The following EEFSEC variants were observed in gnomAD, a reference collection of about 807,000 sequenced individuals.
EEFSEC encodes the protein selenocysteine-specific elongation factor.
Under a neutral mutation model 42.1 loss-of-function variants are expected in EEFSEC, and 43 were observed. The ratio of observed to expected loss-of-function variants is 1.02; its 90% confidence interval spans 0.80 to 1.32. The LOEUF is 1.32. Among genes scored for constraint, EEFSEC ranks in the 40% most tolerant of loss-of-function variants. EEFSEC has a pLI of 0.00. For missense variants in EEFSEC, 745 were observed against 803.6 expected (o/e 0.93, Z 0.88); for synonymous variants, 354 against 339.1 (o/e 1.04, Z -0.48).
intron 1 of EEFSEC, among the ~76,000 whole-genome samples, chr3:128,200,530 C>T (rs553344833): frequency 2.6e-5 from 4 of 152,226 alleles, no homozygotes; most frequent in African/African-American, 7.2e-5. Context: ...TCAGGTGATC[C>T]GCCCACCTCG....
chr3:128,221,481 G>T (rs1325793301), intron 1 of EEFSEC, among the ~76,000 whole-genome samples: 1 of 152,208 alleles, frequency 6.6e-6, no homozygotes, highest in African/African-American at 2.4e-5. Flanking sequence ...TCCTGAGATT[G>T]CATGGATTCA....
intron 2 of EEFSEC, 89 bp downstream of exon 2, chr3:128,247,132 A>C: frequency 7.3e-7 from 1 of 1,376,322 alleles, no homozygotes; most frequent in Non-Finnish European, 1.0e-6. Flanking sequence ...TTGGACAGGC[A>C]GGTGTCAGCC....
intron 4 of EEFSEC, among the ~76,000 whole-genome samples, chr3:128,304,486 G>A (rs1421807073): frequency 2.0e-5 from 3 of 151,828 alleles, no homozygotes; most frequent in South Asian, 2.1e-4. Flanking sequence ...CCTGTAACCC[G>A]CCACCTTCCC....
chr3:128,156,596 A>G (rs1207624511), intron 1 of EEFSEC, among the ~76,000 whole-genome samples: 1 of 152,232 alleles, frequency 6.6e-6, no homozygotes, highest in Non-Finnish European at 1.5e-5. Flanking sequence ...AATATTTCAA[A>G]CTTTTCATCA....
intron 6 of EEFSEC, among the ~76,000 whole-genome samples, chr3:128,378,493 A>G (rs1303724365): frequency 2.6e-5 from 4 of 152,222 alleles, no homozygotes; most frequent in Non-Finnish European, 5.9e-5. Flanking sequence ...GGCCTAGCAC[A>G]CTGACCAAGG....
chr3:128,175,671 A>G (rs2065341056), intron 1 of EEFSEC, among the ~76,000 whole-genome samples: 1 of 152,250 alleles, frequency 6.6e-6, no homozygotes, highest in South Asian at 2.1e-4. Context: ...TGGAAAGCCC[A>G]AATGAAAACG....
At position 128,167,028 on chromosome 3, in the gene EEFSEC, C is replaced by T. The variant is rs527571187; in HGVS notation, c.316+13205C>T. Among the ~76,000 whole-genome samples, 9 of 152,292 alleles carry T rather than the reference C, an allele frequency of 5.9e-5. No homozygotes were observed. In the South Asian group the frequency reaches 1.9e-3, roughly 32 times the overall value. On this transcript the variant is annotated intron_variant, in intron 1 of 6. Transcript: ENST00000254730. ...GTCTTAGCTGGCTGACGAGGCCCCT[C>T]CTGAGGGGTTGAGATCTCAGGACTC...
At chr3:128,208,044 T>C (rs2065716973) in intron 1 of EEFSEC, among the ~76,000 whole-genome samples, 1 of 152,178 alleles carries the variant, frequency 6.6e-6, no homozygotes, top group African/African-American at 2.4e-5. Flanking sequence ...TTGTCCCCAC[T>C]GTTGGGAAAT....
chr3:128,399,644 C>CCCAG (rs2068025998), intron 6 of EEFSEC, among the ~76,000 whole-genome samples: 3 of 152,016 alleles, frequency 2.0e-5, no homozygotes, highest in African/African-American at 7.2e-5. Flanking sequence ...AACAGAAGAG[C>CCCAG]CCAGCCTGAC....
chr3:128,246,765 G>A, intron 1 of EEFSEC, 71 bp from the exon 2 acceptor site: 3 of 1,523,706 alleles, frequency 2.0e-6, no homozygotes, highest in Non-Finnish European at 1.8e-6. Context: ...CTTTGACCTG[G>A]GGCATTGGGC....
chr3:128,401,443 C>T (rs923676197), intron 6 of EEFSEC, among the ~76,000 whole-genome samples: 3 of 152,222 alleles, frequency 2.0e-5, no homozygotes, highest in African/African-American at 7.2e-5. Context: ...GCATATAAGG[C>T]AATGACAGCC....
intron 6 of EEFSEC, among the ~76,000 whole-genome samples, chr3:128,375,680 TCTC>T (rs1331556213): frequency 1.3e-5 from 2 of 152,132 alleles, no homozygotes; most frequent in South Asian, 4.1e-4. Flanking sequence ...TCCTCAATGT[TCTC>T]CTCCTTTGCG....
intron 1 of EEFSEC, among the ~76,000 whole-genome samples, chr3:128,168,117 G>A (rs956895659): frequency 1.3e-5 from 2 of 152,130 alleles, no homozygotes; most frequent in African/African-American, 4.8e-5. Flanking sequence ...GAGACAGGAC[G>A]AGCACTTTTA....
intron 5 of EEFSEC, among the ~76,000 whole-genome samples, chr3:128,345,115 A>G (rs1576657035): frequency 6.6e-6 from 1 of 152,186 alleles, no homozygotes; most frequent in South Asian, 2.1e-4. Context: ...TGAGCAGACC[A>G]TGAGACTTCC....
At chr3:128,318,970 C>T (rs1055909277) in intron 4 of EEFSEC, among the ~76,000 whole-genome samples, 5 of 152,166 alleles carry the variant, frequency 3.3e-5, no homozygotes, top group African/African-American at 2.4e-5. Flanking sequence ...AATGACTTGC[C>T]GGTGTTCAAG....
intron 2 of EEFSEC, among the ~76,000 whole-genome samples, chr3:128,249,598 T>G (rs2066163104): frequency 6.6e-6 from 1 of 152,192 alleles, no homozygotes; most frequent in Non-Finnish European, 1.5e-5. Flanking sequence ...CCTTTCTCCC[T>G]TCCTCCCACC....
intron 1 of EEFSEC, among the ~76,000 whole-genome samples, chr3:128,189,489 A>C (rs1045400552): frequency 4.6e-5 from 7 of 151,702 alleles, no homozygotes; most frequent in African/African-American, 1.2e-4. Context: ...ATGATAATAC[A>C]TGACTGGTTT....
At chr3:128,292,558 G>A (rs912127243) in intron 4 of EEFSEC, among the ~76,000 whole-genome samples, 3 of 151,542 alleles carry the variant, frequency 2.0e-5, no homozygotes, top group African/African-American at 4.8e-5. Context: ...GTTTCTATAA[G>A]GAATTAGCCT....
At chr3:128,209,114 A>G (rs556952342) in intron 1 of EEFSEC, among the ~76,000 whole-genome samples, 1 of 152,324 alleles carries the variant, frequency 6.6e-6, no homozygotes, top group Admixed American at 6.5e-5. Context: ...GTTCCATGGC[A>G]TGTTAATGTG....
Sources: gnomAD v4.1 joint callset for allele counts (sites outside exome capture counted in the v4.1 genomes callset) on GRCh38, gnomAD v4.1.1 for gene constraint, MANE v1.5 for transcripts, NCBI Gene and HGNC (gene_info 2026-07-23, HGNC 2026-07-21) for gene names.